The following HEATR5B variants were observed in gnomAD, a reference collection of about 807,000 sequenced individuals.
HEATR5B encodes HEAT repeat containing 5B.
In HEATR5B, 156 loss-of-function variants were observed where a neutral mutation model predicts 224.1. That is an observed-to-expected ratio of 0.70 (90% CI 0.61 to 0.80). The LOEUF is 0.80. Ranked by LOEUF, HEATR5B falls within the 30% of genes least tolerant of loss-of-function variation. HEATR5B has a pLI of 0.00. For synonymous variants in HEATR5B, 1,027 were observed against 893.0 expected (o/e 1.15, Z -2.68); for missense variants, 2,323 against 2,535.5 (o/e 0.92, Z 1.80).
chr2:37,059,739 C>A (rs889963789), intron 12 of HEATR5B, among the ~76,000 whole-genome samples: 3 of 151,946 alleles, frequency 2.0e-5, no homozygotes, highest in Non-Finnish European at 4.4e-5. Context: ...GGATTACAGG[C>A]ATGAGCCACA....
Position 37,049,697 on chromosome 2 carries a change from T to C in HEATR5B, c.2652A>G (p.Gly884=), listed in dbSNP as rs750788260. The change falls in exon 18 of 36, where the codon GGA becomes GGG. Residue 884 remains glycine (G), a synonymous_variant. Coordinates refer to ENST00000233099, the MANE Select transcript of HEATR5B (RefSeq NM_019024.3). The stretch of plus-strand genomic sequence containing the variant: ...CCATTCTAGCAATAAAAGTTGCTTC[T>C]CCAACCACCTGAGCCATTCTTCCAA... The part of the protein sequence containing the change: ...EALGRMAQVV[G]EATFIARMAQ... 1 of 1,613,926 alleles carries C rather than the reference T, an allele frequency of 6.2e-7. No homozygotes were observed. The highest frequency in any genetic ancestry group is 1.3e-5 in the African/African-American group (1 of 74,896).
chr2:37,021,210 A>G (rs1270151806), intron 24 of HEATR5B, among the ~76,000 whole-genome samples: 1 of 152,234 alleles, frequency 6.6e-6, no homozygotes, highest in South Asian at 2.1e-4. Flanking sequence ...TGGGACCCCA[A>G]AACTCACTAT....
intron 24 of HEATR5B, among the ~76,000 whole-genome samples, chr2:37,025,157 G>A (rs1024046230): frequency 1.8e-4 from 28 of 151,912 alleles, no homozygotes; most frequent in East Asian, 5.8e-4. Flanking sequence ...AATGGCAGGC[G>A]GTGATGTTAG....
chr2:37,048,626 TAATA>T (rs1185386323), intron 18 of HEATR5B, among the ~76,000 whole-genome samples: 7 of 152,232 alleles, frequency 4.6e-5, no homozygotes, highest in African/African-American at 1.7e-4. Context: ...TACTATCTTT[TAATA>T]AATATTTAAT....
At chr2:37,012,826 A>T (rs997401384) in intron 27 of HEATR5B, among the ~76,000 whole-genome samples, 3 of 152,190 alleles carry the variant, frequency 2.0e-5, no homozygotes, top group African/African-American at 7.2e-5. Flanking sequence ...CCATGTTTCA[A>T]TGTAAACATC....
Position 37,079,114 on chromosome 2 carries a change from A to C in HEATR5B, c.338+6T>G. 6.5e-7 allele frequency: 1 copy of C among 1,542,080 alleles called. No individual in the cohort carries two copies. The highest frequency in any genetic ancestry group is 8.9e-7 in the Non-Finnish European group (1 of 1,121,696). On this transcript the variant is annotated splice_donor_region_variant and intron_variant, in intron 3 of 35. Coordinates refer to ENST00000233099, the MANE Select transcript of HEATR5B (RefSeq NM_019024.3). ...TTCAAGGGCCCCTATTAAAGTAAGT[A>C]CTTACAATTTTGTTGGTAAGTAGGC... is the stretch of plus-strand genomic sequence containing the variant.
chr2:37,015,193 G>C (rs1668039548), intron 26 of HEATR5B, among the ~76,000 whole-genome samples: 1 of 152,202 alleles, frequency 6.6e-6, no homozygotes, highest in African/African-American at 2.4e-5. Flanking sequence ...ACATGAGGAA[G>C]AGATGTGATT....
At chr2:36,992,361 G>A (rs558832132) in intron 33 of HEATR5B, among the ~76,000 whole-genome samples, 1 of 152,124 alleles carries the variant, frequency 6.6e-6, no homozygotes, top group Non-Finnish European at 1.5e-5. Flanking sequence ...TGGGAGGACT[G>A]CTTGAGCTCA....
chr2:37,053,351 A>G (rs1242982183), intron 17 of HEATR5B, 151 bp downstream of exon 17: 1 of 419,126 alleles, frequency 2.4e-6, no homozygotes, highest in East Asian at 3.5e-5. Flanking sequence ...TGAGCCTAAC[A>G]TAAAGTTTCA....
At chr2:37,081,865 A>T (rs547966878) in intron 2 of HEATR5B, among the ~76,000 whole-genome samples, 23 of 150,642 alleles carry the variant, frequency 1.5e-4, no homozygotes, top group Non-Finnish European at 2.8e-4. Flanking sequence ...TTCAGACACG[A>T]CAGTAGAAAA....
Position 37,002,365 on chromosome 2 carries a change from C to G in HEATR5B, c.5258G>C (p.Arg1753Pro), listed in dbSNP as rs375534328. 6.2e-7 allele frequency: 1 copy of G among 1,614,220 alleles called. No individual in the cohort carries two copies. The highest frequency in any genetic ancestry group is 1.1e-5 in the South Asian group (1 of 91,084). ...TKTRLSEESA[R>P]LVAATVTILS... ...TATGGTAACTGTGGCTGCCACCAAA[C>G]GAGCACTTTCTTCTGATAGTCGAGT... Residue 1753 changes from arginine to proline, a missense_variant, in exon 32 of 36, where the codon CGT (arginine) becomes CCT (proline). Physicochemically the swap from Arg to Pro is moderately radical, Grantham distance 103. Transcript: ENST00000233099.
chr2:37,072,341 T>C, intron 5 of HEATR5B, 60 bp from the exon 6 acceptor site: 1 of 1,244,764 alleles, frequency 8.0e-7, no homozygotes, highest in Non-Finnish European at 1.1e-6. Context: ...AGAGATGGAA[T>C]AGCAAGAACC....
At chr2:37,003,474 G>T in intron 31 of HEATR5B, 68 bp downstream of exon 31, 1 of 1,157,330 alleles carries the variant, frequency 8.6e-7, no homozygotes. Context: ...ATGTCCTGGC[G>T]TTAATATTTT....
chr2:36,990,834 T>C, intron 33 of HEATR5B, 35 bp from the exon 34 acceptor site: 3 of 1,510,862 alleles, frequency 2.0e-6, no homozygotes, highest in Non-Finnish European at 2.7e-6. Flanking sequence ...GTGCTGTTTC[T>C]AAAACATTTT....
intron 26 of HEATR5B, among the ~76,000 whole-genome samples, chr2:37,019,382 A>G (rs1668324482): frequency 6.6e-6 from 1 of 152,084 alleles, no homozygotes; most frequent in African/African-American, 2.4e-5. Flanking sequence ...TTATTTCATC[A>G]TTTCACAAAG....
intron 33 of HEATR5B, among the ~76,000 whole-genome samples, chr2:37,000,110 G>GT (rs1247199993): frequency 4.6e-5 from 7 of 151,696 alleles, no homozygotes; most frequent in Non-Finnish European, 1.0e-4. Flanking sequence ...AAAAAACTCT[G>GT]TTTTTTGCCG....
intron 27 of HEATR5B, among the ~76,000 whole-genome samples, chr2:37,012,701 T>C (rs1203185312): frequency 6.6e-6 from 1 of 152,140 alleles, no homozygotes; most frequent in Non-Finnish European, 1.5e-5. Context: ...AGGGCGCAGT[T>C]TTAGAGGATG....
chr2:37,021,183 G>A (rs1668436120), intron 24 of HEATR5B, among the ~76,000 whole-genome samples: 1 of 152,184 alleles, frequency 6.6e-6, no homozygotes, highest in African/African-American at 2.4e-5. Context: ...TTGGCTTCAT[G>A]AAAGAAAACA....
chr2:37,037,380 T>C (rs1669564601), intron 21 of HEATR5B, among the ~76,000 whole-genome samples: 1 of 151,708 alleles, frequency 6.6e-6, no homozygotes, highest in African/African-American at 2.4e-5. Context: ...CCTGACCTCA[T>C]GATCTGCCCA....
Sources: allele counts gnomAD v4.1 joint callset (sites outside exome capture counted in the v4.1 genomes callset), GRCh38; gene constraint gnomAD v4.1.1; transcripts MANE v1.5; gene names NCBI Gene and HGNC (gene_info 2026-07-23, HGNC 2026-07-21).